NAV2: variants seen among roughly 807,000 people sequenced by gnomAD.
NAV2 encodes the protein helicase, APC down-regulated 1.
Under a neutral mutation model 223.2 loss-of-function variants are expected in NAV2, and 54 were observed. The ratio of observed to expected loss-of-function variants is 0.24; its 90% CI spans 0.19 to 0.30. The LOEUF (loss-of-function observed/expected upper bound fraction) is 0.30. NAV2 is among the 10% of genes least tolerant of loss of function. The pLI is 1.00. For missense variants in NAV2, 2,806 were observed against 3,147.5 expected, an observed-to-expected ratio of 0.89 and a Z score of 2.60; for synonymous variants, 1,279 against 1,239.3, an observed-to-expected ratio of 1.03 and a Z score of -0.67.
intron 22 of NAV2, among the ~76,000 whole-genome samples, chr11:20,072,101 G>C (rs1460034578): frequency 6.6e-6 from 1 of 151,980 alleles, no homozygotes; most frequent in Non-Finnish European, 1.5e-5. Flanking sequence ...ATCCATCTTG[G>C]GTTAATTTTT....
intron 1 of NAV2, among the ~76,000 whole-genome samples, chr11:19,651,332 C>G (rs1244771924): frequency 7.2e-5 from 11 of 152,232 alleles, no homozygotes; most frequent in Admixed American, 3.3e-4. Context: ...CATTTTCAAC[C>G]TGCTAGGCCC....
At chr11:19,932,265 G>GAAAA (rs2045438540) in intron 6 of NAV2, among the ~76,000 whole-genome samples, 3 of 110,500 alleles carry the variant, frequency 2.7e-5, no homozygotes, top group Non-Finnish European at 1.9e-5. Context: ...AAAAAAGAAA[G>GAAAA]AAAAGGAAAA....
intron 1 of NAV2, among the ~76,000 whole-genome samples, chr11:19,416,200 T>C (rs1296612884): frequency 6.6e-6 from 1 of 152,148 alleles, no homozygotes; most frequent in African/African-American, 2.4e-5. Flanking sequence ...AAAACCCCAT[T>C]GTCTCAGCCC....
intron 11 of NAV2, among the ~76,000 whole-genome samples, chr11:19,986,222 C>G (rs910017461): frequency 6.6e-6 from 1 of 152,188 alleles, no homozygotes; most frequent in Non-Finnish European, 1.5e-5. Flanking sequence ...AGATAGGTAG[C>G]ACTTGTTAGG....
At position 19,433,838 on chromosome 11, in the gene NAV2, T is replaced by C. The variant is rs149001342; in HGVS notation, c.75+82811T>C. Among the ~76,000 whole-genome samples the C allele has an allele frequency of 5.3e-5, 8 of 152,368 alleles. No individual in the cohort carries two copies. In the East Asian group the frequency reaches 9.6e-4, roughly 18 times the overall value. On this transcript the variant is annotated intron_variant, in intron 1 of 37. Coordinates refer to the NAV2 transcript ENST00000360655. ...ATCCAATTGAATGTTTAAAGTATTA[T>C]ATGCACAAATAAAATCTGTATTAGA...
intron 11 of NAV2, among the ~76,000 whole-genome samples, chr11:19,996,070 C>T (rs1362023178): frequency 6.6e-6 from 1 of 152,138 alleles, no homozygotes; most frequent in African/African-American, 2.4e-5. Flanking sequence ...TTGTAAGTTA[C>T]ACAAGGAAAG....
intron 1 of NAV2, chr11:19,506,298 G>A (rs1444129649): frequency 3.9e-5 from 6 of 152,254 alleles, no homozygotes; most frequent in Admixed American, 3.9e-4. Flanking sequence ...CCATACTCCA[G>A]GACTTGTAGC....
intron 1 of NAV2, among the ~76,000 whole-genome samples, chr11:19,706,193 C>G (rs1176648658): frequency 6.6e-6 from 1 of 152,146 alleles, no homozygotes; most frequent in South Asian, 2.1e-4. Context: ...AAATAAGAAT[C>G]CTTTTCTTCT....
At chr11:19,850,609 T>A (rs1565426122) in intron 3 of NAV2, among the ~76,000 whole-genome samples, 1 of 152,202 alleles carries the variant, frequency 6.6e-6, no homozygotes, top group Non-Finnish European at 1.5e-5. Context: ...GTAGTGCTGT[T>A]CTAGAAGTGT....
intron 1 of NAV2, among the ~76,000 whole-genome samples, chr11:19,513,194 G>A (rs1488249496): frequency 6.6e-6 from 1 of 152,170 alleles, no homozygotes; most frequent in African/African-American, 2.4e-5. Context: ...GTTTGGTGGT[G>A]TTTCACGTTT....
intron 1 of NAV2, among the ~76,000 whole-genome samples, chr11:19,593,989 C>T (rs528737385): frequency 4.6e-5 from 7 of 152,140 alleles, no homozygotes; most frequent in Non-Finnish European, 8.8e-5. Context: ...TTAATCCTCA[C>T]GACAACTCAT....
chr11:19,873,907 G>A (rs534027364), intron 4 of NAV2, among the ~76,000 whole-genome samples: 27 of 152,232 alleles, frequency 1.8e-4, no homozygotes, highest in African/African-American at 5.5e-4. Flanking sequence ...TTATGCAGCC[G>A]GCCCAACTGC....
intron 1 of NAV2, among the ~76,000 whole-genome samples, chr11:19,805,163 T>G (rs2058486044): frequency 6.6e-6 from 1 of 152,192 alleles, no homozygotes; most frequent in Non-Finnish European, 1.5e-5. Context: ...TGACAGGTCT[T>G]CCAATTTTTA....
intron 1 of NAV2, among the ~76,000 whole-genome samples, chr11:19,828,681 G>C (rs2059781112): frequency 6.6e-6 from 1 of 150,816 alleles, no homozygotes; most frequent in Non-Finnish European, 1.5e-5. Context: ...GTAGGGAGGG[G>C]GTTTCACCAC....
intron 10 of NAV2, among the ~76,000 whole-genome samples, chr11:19,959,940 C>T (rs2048214521): frequency 6.6e-6 from 1 of 152,182 alleles, no homozygotes; most frequent in African/African-American, 2.4e-5. Flanking sequence ...TCTTCACTGG[C>T]AAGCAGCATC....
intron 1 of NAV2, among the ~76,000 whole-genome samples, chr11:19,363,316 C>CT (rs1430813535): frequency 1.3e-5 from 2 of 152,118 alleles, no homozygotes; most frequent in Admixed American, 6.5e-5. Flanking sequence ...TGAACTCATC[C>CT]TTTTTTATGG....
intron 1 of NAV2, among the ~76,000 whole-genome samples, chr11:19,368,727 C>CA (rs1421990284): frequency 2.0e-5 from 3 of 152,128 alleles, no homozygotes; most frequent in Non-Finnish European, 4.4e-5. Flanking sequence ...AGTCACACAG[C>CA]AAATAAGTGA....
chr11:20,092,272 A>G lies in NAV2; in HGVS notation c.5719A>G (p.Ser1907Gly). The change falls in exon 28 of 38, where the codon AGC becomes GGC. Residue 1907 changes from serine to glycine, a missense_variant. This residue lies in a region of NAV2 where 824 missense variants were observed against 1,069.4 expected (regional missense o/e 0.77). Coordinates refer to ENST00000349880, the MANE Select transcript of NAV2 (RefSeq NM_145117.5). ...LKSESQGSGCSRAPSQVSISA... is the reference protein window; with the variant it reads ...LKSESQGSGCGRAPSQVSISA... ...GTCAGAGTCTCAAGGCAGTGGCTGC[A>G]GCCGGGCTCCTTCCCAAGTGTCCAT... is the stretch of plus-strand genomic sequence containing the variant. 6.2e-7 allele frequency: 1 copy of G among 1,614,192 alleles called. No individual in the cohort carries two copies. The highest frequency in any genetic ancestry group is 1.3e-5 in the African/African-American group (1 of 75,062).
intron 6 of NAV2, among the ~76,000 whole-genome samples, chr11:19,897,089 T>C (rs975478440): frequency 8.6e-5 from 13 of 151,982 alleles, no homozygotes; most frequent in African/African-American, 3.1e-4. Context: ...TGTAGGGACA[T>C]GGATGAAGCT....
Sources: allele counts gnomAD v4.1 joint callset (sites outside exome capture counted in the v4.1 genomes callset), GRCh38; gene constraint gnomAD v4.1.1; regional missense constraint gnomAD v4.1.1; transcripts MANE v1.5; gene names NCBI Gene and HGNC (gene_info 2026-07-23, HGNC 2026-07-21).